APC: variants seen among roughly 807,000 people sequenced by gnomAD.
The protein encoded by APC is APC regulator of Wnt signaling pathway.
Under a neutral mutation model 247.0 loss-of-function variants are expected in APC, and 72 were observed. That is an observed-to-expected ratio of 0.29 (90% CI 0.24 to 0.35). APC has a LOEUF of 0.35. Ranked by LOEUF, APC falls within the 10% of genes least tolerant of loss-of-function variation. APC has a pLI of 1.00. For synonymous variants in APC, 1,254 were observed against 1,162.5 expected, an observed-to-expected ratio of 1.08 and a Z score of -1.60; for missense variants, 3,400 against 3,360.7, an observed-to-expected ratio of 1.01 and a Z score of -0.29.
At chr5:112,763,672 T>G (rs1234748896) in intron 2 of APC, among the ~76,000 whole-genome samples, 1 of 152,236 alleles carries the variant, frequency 6.6e-6, no homozygotes, top group Admixed American at 6.5e-5. Context: ...GTAGGATTTT[T>G]TCTAATACAT....
chr5:112,744,706 A>C (rs1302412712), intron 1 of APC, among the ~76,000 whole-genome samples: 1 of 152,194 alleles, frequency 6.6e-6, no homozygotes, highest in Non-Finnish European at 1.5e-5. Context: ...ATATAAAGGT[A>C]AGAAATAGTT....
At chr5:112,769,913 A>G (rs894159917) in intron 4 of APC, among the ~76,000 whole-genome samples, 1 of 152,174 alleles carries the variant, frequency 6.6e-6, no homozygotes, top group Non-Finnish European at 1.5e-5. Context: ...TGTTTCATAC[A>G]TTGATCCTAG....
chr5:112,789,986 A>G (rs904778944), intron 6 of APC, among the ~76,000 whole-genome samples: 16 of 151,958 alleles, frequency 1.1e-4, no homozygotes, highest in African/African-American at 3.6e-4. Context: ...CAGCTTCCCA[A>G]GTCACTGGGA....
chr5:112,735,685 A>G (rs1466815223), upstream of APC, among the ~76,000 whole-genome samples: 1 of 152,096 alleles, frequency 6.6e-6, no homozygotes, highest in Non-Finnish European at 1.5e-5. Context: ...TAGTTTTAAA[A>G]TAGCTAAGCA....
chr5:112,773,618 A>G (rs1254316113), intron 4 of APC, among the ~76,000 whole-genome samples: 2 of 152,214 alleles, frequency 1.3e-5, no homozygotes, highest in South Asian at 4.1e-4. Flanking sequence ...TAGAGAAAAC[A>G]TGTTATTAAG....
chr5:112,764,718 C>T (rs1227360360), intron 2 of APC, among the ~76,000 whole-genome samples: 2 of 151,990 alleles, frequency 1.3e-5, no homozygotes, highest in African/African-American at 4.8e-5. Context: ...AATTGTGAGA[C>T]CGGAAGCCTG....
chr5:112,751,691 T>G (rs1371912830), intron 1 of APC, among the ~76,000 whole-genome samples: 4 of 151,974 alleles, frequency 2.6e-5, no homozygotes, highest in Non-Finnish European at 5.9e-5. Flanking sequence ...TATAATAATA[T>G]TTCATCGATG....
intron 8 of APC, among the ~76,000 whole-genome samples, chr5:112,802,641 C>G (rs969023143): frequency 5.9e-5 from 9 of 151,774 alleles, no homozygotes; most frequent in African/African-American, 2.2e-4. Flanking sequence ...GATTTAATGT[C>G]AAAATGAAAA....
At chr5:112,750,704 T>C (rs1754260261) in intron 1 of APC, among the ~76,000 whole-genome samples, 1 of 152,186 alleles carries the variant, frequency 6.6e-6, no homozygotes, top group African/African-American at 2.4e-5. Context: ...TAGAGAACTC[T>C]ACTTGGCCCT....
At chr5:112,736,656 A>G (rs1301623943), upstream of APC, among the ~76,000 whole-genome samples, 2 of 152,210 alleles carry the variant, frequency 1.3e-5, no homozygotes, top group African/African-American at 2.4e-5. Flanking sequence ...TGGCTCACGC[A>G]TGTAATCCCA....
intron 6 of APC, chr5:112,783,783 A>AAG (rs1554073061): frequency 5.2e-6 from 2 of 386,702 alleles, no homozygotes; most frequent in African/African-American, 2.2e-5. Context: ...AAAAAAAAAA[A>AAG]AGAGAAAGAA....
chr5:112,788,412 C>T (rs912363482), intron 6 of APC, among the ~76,000 whole-genome samples: 16 of 152,036 alleles, frequency 1.1e-4, no homozygotes, highest in African/African-American at 3.9e-4. Context: ...ACTCTGGAAC[C>T]AGACCTTCTA....
chr5:112,751,481 G>A (rs995416141), intron 1 of APC, among the ~76,000 whole-genome samples: 19 of 152,074 alleles, frequency 1.2e-4, no homozygotes, highest in Admixed American at 9.8e-4. Context: ...AATAAGAAAC[G>A]TCTTTCCATT....
chr5:112,828,425 T>C (rs1763940752), intron 13 of APC, among the ~76,000 whole-genome samples: 1 of 151,170 alleles, frequency 6.6e-6, no homozygotes, highest in African/African-American at 2.4e-5. Context: ...TAGGAAATCT[T>C]TTTGGCACTG....
chr5:112,836,721 T>C (rs1195475711), intron 15 of APC, among the ~76,000 whole-genome samples: 1 of 152,210 alleles, frequency 6.6e-6, no homozygotes, highest in African/African-American at 2.4e-5. Context: ...TTTTTCTTTT[T>C]TTTGAGATGG....
At chr5:112,715,647 GTTTTTT>G (rs1457381991) in intron 1 of APC, among the ~76,000 whole-genome samples, 6 of 152,216 alleles carry the variant, frequency 3.9e-5, no homozygotes, top group East Asian at 3.8e-4. Flanking sequence ...CTGTGGAAAT[GTTTTTT>G]AAAATTTGGT....
intron 3 of APC, among the ~76,000 whole-genome samples, chr5:112,766,790 T>C (rs148308465): frequency 2.0e-5 from 3 of 152,336 alleles, no homozygotes; most frequent in African/African-American, 4.8e-5. Flanking sequence ...AGAAATACTT[T>C]AACCTTTTCA....
intron 5 of APC, among the ~76,000 whole-genome samples, chr5:112,780,344 T>C (rs1293064079): frequency 6.6e-6 from 1 of 152,188 alleles, no homozygotes; most frequent in Non-Finnish European, 1.5e-5. Flanking sequence ...TGTATGTATA[T>C]GGTAATCCTT....
At chr5:112,812,314 C>T (rs1433374777) in intron 8 of APC, among the ~76,000 whole-genome samples, 1 of 152,138 alleles carries the variant, frequency 6.6e-6, no homozygotes. Flanking sequence ...GGTAAAGACT[C>T]ATTTCCCTTC....
Sources: allele counts gnomAD v4.1 joint callset (sites outside exome capture counted in the v4.1 genomes callset), GRCh38; gene constraint gnomAD v4.1.1; transcripts MANE v1.5; gene names NCBI Gene and HGNC (gene_info 2026-07-23, HGNC 2026-07-21).